MAP4: variants seen among roughly 807,000 people sequenced by gnomAD.
The protein encoded by MAP4 is microtubule-associated protein 4.
MAP4 carries 76 observed loss-of-function variants against 170.2 expected under a neutral mutation model. The observed-to-expected ratio is 0.45, with a 90% confidence interval of 0.37 to 0.54. MAP4 has a LOEUF of 0.54. MAP4 is among the 20% of genes least tolerant of loss of function. The pLI is 0.00. For missense variants in MAP4, 2,506 were observed against 2,748.0 expected (o/e 0.91, Z 1.97); for synonymous variants, 909 against 994.5 (o/e 0.91, Z 1.62).
At chr3:47,860,687 T>C (rs2064106258) in intron 17 of MAP4, among the ~76,000 whole-genome samples, 2 of 152,168 alleles carry the variant, frequency 1.3e-5, no homozygotes, top group Non-Finnish European at 2.9e-5. Flanking sequence ...GGTCCAGGAA[T>C]TGCCAACATC....
At chr3:47,870,233 C>A (rs1194831452) in intron 15 of MAP4, among the ~76,000 whole-genome samples, 2 of 152,160 alleles carry the variant, frequency 1.3e-5, no homozygotes, top group Non-Finnish European at 2.9e-5. Context: ...AAAATCTTAA[C>A]CACCGGAAAA....
intron 1 of MAP4, among the ~76,000 whole-genome samples, chr3:48,039,103 CA>C (rs920337642): frequency 2.0e-5 from 3 of 150,702 alleles, no homozygotes; most frequent in Non-Finnish European, 4.4e-5. Flanking sequence ...AACTCTGTCT[CA>C]AAAAAAACAA....
intron 3 of MAP4, among the ~76,000 whole-genome samples, chr3:47,936,217 T>C (rs750805560): frequency 6.6e-6 from 1 of 151,704 alleles, no homozygotes; most frequent in Non-Finnish European, 1.5e-5. Context: ...GTGGATCACT[T>C]GAGGCCAGAA....
intron 3 of MAP4, among the ~76,000 whole-genome samples, chr3:47,948,143 G>A (rs981406204): frequency 6.6e-6 from 1 of 151,060 alleles, no homozygotes; most frequent in African/African-American, 2.4e-5. Flanking sequence ...GACTACAGGT[G>A]CCCGCCACCA....
rs529618965 is a variant in MAP4, at chr3:48,054,466, C to A, written c.-20+34307G>T. 4.6e-5 allele frequency among the ~76,000 whole-genome samples: 7 copies of A among 151,466 alleles called. No homozygotes were observed. In the East Asian group the frequency reaches 1.4e-3, roughly 29 times the overall value. On this transcript the variant is annotated intron_variant, in intron 1 of 18. Coordinates refer to the MAP4 transcript ENST00000360240. ...TGAAACCCCGTCTCTACCAAAAATA[C>A]AATAAAGTAGCTAGGATTACAGGTG...
At chr3:47,920,250 C>A (rs879265937) in intron 5 of MAP4, among the ~76,000 whole-genome samples, 1 of 152,098 alleles carries the variant, frequency 6.6e-6, no homozygotes, top group Non-Finnish European at 1.5e-5. Context: ...GGATTACAGG[C>A]ATGAGCCACC....
intron 10 of MAP4, 74 bp from the exon 11 acceptor site, chr3:47,877,597 G>A (rs2095775313): frequency 9.9e-7 from 1 of 1,005,232 alleles, no homozygotes; most frequent in Non-Finnish European, 1.5e-6. Context: ...ACAAGGTTTA[G>A]CAAAGACAGA....
chr3:48,011,067 T>C (rs1262815683), intron 1 of MAP4, among the ~76,000 whole-genome samples: 1 of 152,164 alleles, frequency 6.6e-6, no homozygotes, highest in Admixed American at 6.5e-5. Flanking sequence ...TGACAAAAAC[T>C]GATAGCTTTG....
At chr3:48,057,015 G>A (rs1439973098) in intron 1 of MAP4, among the ~76,000 whole-genome samples, 200 of 123,094 alleles carry the variant, frequency 1.6e-3, no homozygotes, top group African/African-American at 4.3e-3. Flanking sequence ...CCGGCCAGCC[G>A]CCCCGTCCGG....
intron 2 of MAP4, among the ~76,000 whole-genome samples, chr3:47,983,184 C>T (rs897794350): frequency 2.6e-5 from 4 of 152,012 alleles, no homozygotes; most frequent in African/African-American, 9.7e-5. Context: ...GAATTACAGG[C>T]ATGAGCCATG....
At chr3:47,952,588 C>G (rs955017634) in intron 3 of MAP4, among the ~76,000 whole-genome samples, 7 of 151,720 alleles carry the variant, frequency 4.6e-5, no homozygotes, top group South Asian at 2.1e-4. Flanking sequence ...GACCTTACCC[C>G]CAACCCTGTG....
chr3:47,991,005 G>A (rs2100091806), intron 2 of MAP4, among the ~76,000 whole-genome samples: 1 of 152,124 alleles, frequency 6.6e-6, no homozygotes, highest in Non-Finnish European at 1.5e-5. Context: ...GCAATGCTAA[G>A]ATAAAATACT....
At position 47,909,355 on chromosome 3, in the gene MAP4, G is replaced by A; in HGVS notation, c.5066C>T (p.Thr1689Ile). Reference sequence around the variant, plus strand: ...TAAGAAATCTGACTGGATTTCTGGTGTTGGCAAGGAAACGCTTTCCAATTC... The same window carrying A: ...TAAGAAATCTGACTGGATTTCTGGTATTGGCAAGGAAACGCTTTCCAATTC... The part of the protein sequence containing the change: ...ITELESVSLP[T>I]PEIQSDFLHS... Residue 1689 changes from threonine to isoleucine, a missense_variant, in exon 9 of 21, where the codon ACA becomes ATA. By Grantham distance (89) the Thr-to-Ile change is moderately conservative. Transcript: ENST00000683076. 1 of 1,613,946 alleles carries A rather than the reference G, an allele frequency of 6.2e-7. No homozygotes were observed. Among genetic ancestry groups the A allele is most frequent in the Admixed American group, 1.7e-5 (1 of 60,020 alleles).
At chr3:48,003,522 G>C (rs990094553) in intron 1 of MAP4, among the ~76,000 whole-genome samples, 1 of 151,482 alleles carries the variant, frequency 6.6e-6, no homozygotes, top group Admixed American at 6.6e-5. Flanking sequence ...CAAAGCACTG[G>C]ACATCAACAA....
chr3:47,858,233 G>A (rs574488918), intron 17 of MAP4, among the ~76,000 whole-genome samples: 3 of 151,634 alleles, frequency 2.0e-5, no homozygotes, highest in Non-Finnish European at 2.9e-5. Context: ...GGCTGGTCTC[G>A]AACTCCTGAC....
intron 1 of MAP4, among the ~76,000 whole-genome samples, chr3:48,048,389 G>C (rs1205439184): frequency 6.6e-6 from 1 of 151,374 alleles, no homozygotes; most frequent in African/African-American, 2.4e-5. Flanking sequence ...CACTTATTTG[G>C]CAACATCTAG....
At chr3:47,931,284 A>C (rs2100049650) in intron 3 of MAP4, among the ~76,000 whole-genome samples, 2 of 152,076 alleles carry the variant, frequency 1.3e-5, no homozygotes. Context: ...AGGATGCTAA[A>C]GCAGGAAGAT....
At chr3:47,927,505 C>T (rs1422808048) in intron 4 of MAP4, among the ~76,000 whole-genome samples, 5 of 151,970 alleles carry the variant, frequency 3.3e-5, no homozygotes, top group Admixed American at 6.6e-5. Context: ...GATGGAGTTT[C>T]GCTCTTGTTG....
In MAP4 at chr3:47,855,374, G is replaced by A. The variant is rs767722563; in HGVS notation, c.6584-14C>T. 2.6e-6 allele frequency: 4 copies of A among 1,533,666 alleles called. No individual in the cohort carries two copies. Among genetic ancestry groups the A allele is most frequent in the South Asian group, 1.1e-5 (1 of 89,494 alleles). On this transcript the variant is annotated splice_polypyrimidine_tract_variant and intron_variant, in intron 18 of 20. Transcript: ENST00000683076. This position sits in a 1 kb window ranked among gnomAD's most constrained non-coding sequence, Gnocchi z 5.1. The stretch of plus-strand genomic sequence containing the variant: ...CATCTCCTCCACCTGGAACCACAAA[G>A]GAACTGGTCACCTAGGGTGGCAGAG...
Sources: allele counts gnomAD v4.1 joint callset (sites outside exome capture counted in the v4.1 genomes callset), GRCh38; gene constraint gnomAD v4.1.1; non-coding constraint Gnocchi (gnomAD v3.1); transcripts MANE v1.5; gene names NCBI Gene and HGNC (gene_info 2026-07-23, HGNC 2026-07-21).